The following ENAM variants were observed in gnomAD, a reference collection of about 807,000 sequenced individuals.
The protein encoded by ENAM is enamelin.
In ENAM, 21 loss-of-function variants were observed where a neutral mutation model predicts 33.6. The observed-to-expected ratio is 0.63, with a 90% CI of 0.44 to 0.90. The LOEUF (loss-of-function observed/expected upper bound fraction) is 0.90. Ranked by LOEUF, ENAM falls within the 40% of genes least tolerant of loss-of-function variation. The probability of loss-of-function intolerance (pLI) is 0.00; values close to 1 mark genes in which losing one functional copy is unlikely to be tolerated. For synonymous variants in ENAM, 473 were observed against 468.4 expected (o/e 1.01, Z -0.13); for missense variants, 1,388 against 1,366.9 (o/e 1.02, Z -0.24).
chr4:70,645,207 T>G lies in ENAM; in HGVS notation c.*352T>G. On this transcript the variant is annotated 3_prime_UTR_variant, in exon 9 of 9. Coordinates refer to ENST00000396073, the MANE Select transcript of ENAM (RefSeq NM_031889.3). ...ACTTGCAAAATTGGTTTTTCAAGAC[T>G]GAAAGGCAGATTAACTTTCCATTCT... 2.2e-6 allele frequency: 1 copy of G among 445,178 alleles called. No individual in the cohort carries two copies. Among genetic ancestry groups the G allele is most frequent in the South Asian group, 3.3e-5 (1 of 30,250 alleles). 27.6% of individuals were successfully genotyped at this position (445,178 alleles called of 1,614,324 possible).
chr4:70,629,801 G>T (rs1047310370), intron 2 of ENAM, among the ~76,000 whole-genome samples: 1 of 152,112 alleles, frequency 6.6e-6, no homozygotes, highest in Non-Finnish European at 1.5e-5. Flanking sequence ...AGAGATGGAA[G>T]GGATCTCAGT....
rs1191825209 is a variant in ENAM, at chr4:70,642,916, C to G, written c.1490C>G (p.Pro497Arg). 3 of 1,613,780 alleles carry G rather than the reference C, an allele frequency of 1.9e-6. No individual in the cohort carries two copies. Among genetic ancestry groups the G allele is most frequent in the Non-Finnish European group, 8.5e-7 (1 of 1,179,918 alleles). The part of the protein sequence containing the change: ...SVDQHENSYY[P>R]RGDSRKVPNS... Reference sequence around the variant, plus strand: ...GATCAACATGAAAACTCCTATTACCCAAGAGGAGATTCCAGAAAAGTCCCA... The same window carrying G: ...GATCAACATGAAAACTCCTATTACCGAAGAGGAGATTCCAGAAAAGTCCCA... Residue 497 changes from proline to arginine, a missense_variant, in exon 9 of 9, where the codon CCA becomes CGA. Physicochemically the swap from Pro to Arg is moderately radical, Grantham distance 103 (BLOSUM62 -2). Coordinates refer to ENST00000396073, the MANE Select transcript of ENAM (RefSeq NM_031889.3).
Position 70,643,251 on chromosome 4 carries a change from A to G in ENAM, c.1825A>G (p.Arg609Gly), listed in dbSNP as rs1738649909. The G allele has an allele frequency of 1.9e-6, 3 of 1,613,944 alleles. No individual in the cohort carries two copies. Among genetic ancestry groups the G allele is most frequent in the South Asian group, 2.2e-5 (2 of 91,060 alleles). ...FYPEYNPYDP[R>G]ENSPYLRGNT... ...CCCTGAATATAACCCATATGATCCC[A>G]GGGAAAACTCACCATACCTTAGAGG... The change falls in exon 9 of 9, where the codon AGG becomes GGG. Residue 609 changes from arginine (R) to glycine (G), a missense_variant. Transcript: ENST00000396073.
At position 70,643,641 on chromosome 4, in the gene ENAM, C is replaced by T. The variant is rs772979321; in HGVS notation, c.2215C>T (p.Pro739Ser). ...PSYNTASTMP[P>S]PIESRGYYVN... is the part of the protein sequence containing the mutation. Reference sequence around the variant, plus strand: ...ATATAATACAGCTTCTACTATGCCACCACCTATAGAGAGCAGGGGCTACTA... The same window carrying T: ...ATATAATACAGCTTCTACTATGCCATCACCTATAGAGAGCAGGGGCTACTA... The change falls in exon 9 of 9, where the codon CCA becomes TCA. Residue 739 changes from proline (P) to serine (S), a missense_variant. Physicochemically the swap from Pro to Ser is moderately conservative, Grantham distance 74. Coordinates refer to ENST00000396073, the MANE Select transcript of ENAM (RefSeq NM_031889.3). The T allele has an allele frequency of 1.8e-5, 29 of 1,613,970 alleles. No individual in the cohort carries two copies. Among genetic ancestry groups the T allele is most frequent in the Non-Finnish European group, 1.9e-5 (22 of 1,179,982 alleles).
chr4:70,638,349 A>AC (rs1738510837), intron 8 of ENAM, among the ~76,000 whole-genome samples: 3 of 140,606 alleles, frequency 2.1e-5, no homozygotes, highest in Non-Finnish European at 3.0e-5. Context: ...ATAGCACCCC[A>AC]CCCCCCTGGA....
In ENAM at chr4:70,646,790, T is replaced by C. The variant is rs978442768; in HGVS notation, c.*1935T>C. The C allele has an allele frequency of 6.6e-6, 1 of 152,222 alleles. No individual in the cohort carries two copies. Among genetic ancestry groups the C allele is most frequent in the Non-Finnish European group, 1.5e-5 (1 of 68,042 alleles). 9.4% of individuals were successfully genotyped at this position (152,222 alleles called of 1,614,324 possible). On this transcript the variant is annotated 3_prime_UTR_variant, in exon 9 of 9. Transcript: ENST00000396073. ...CTGTATAAAACTGTCTTTTAAGAATTATCCTTTCAAAATAAAAATGTTATT... is the reference window on the plus strand; with the variant it reads ...CTGTATAAAACTGTCTTTTAAGAATCATCCTTTCAAAATAAAAATGTTATT...
At position 70,645,182 on chromosome 4, in the gene ENAM, A is replaced by T; in HGVS notation, c.*327A>T. ...ACTTCTTTTGCTCTCAAAGTTCCATACTTGCAAAATTGGTTTTTCAAGACT... is the reference window on the plus strand; with the variant it reads ...ACTTCTTTTGCTCTCAAAGTTCCATTCTTGCAAAATTGGTTTTTCAAGACT... On this transcript the variant is annotated 3_prime_UTR_variant, in exon 9 of 9. Transcript: ENST00000396073. 2.0e-6 allele frequency: 1 copy of T among 495,816 alleles called. No homozygotes were observed. The highest frequency in any genetic ancestry group is 3.6e-6 in the Non-Finnish European group (1 of 276,962). 30.7% of individuals were successfully genotyped at this position (495,816 alleles called of 1,614,324 possible).
chr4:70,640,884 G>A (rs1422896903), intron 8 of ENAM, among the ~76,000 whole-genome samples: 1 of 152,136 alleles, frequency 6.6e-6, no homozygotes, highest in Non-Finnish European at 1.5e-5. Flanking sequence ...AATTTAAAGA[G>A]GAAAGGGGCC....
In ENAM at chr4:70,646,663, T is replaced by A. The variant is rs575663379; in HGVS notation, c.*1808T>A. The stretch of plus-strand genomic sequence containing the variant: ...CATAGAATTTCAGCGTTAGAAGGGA[T>A]CTTAGAGGTAGATTATCCAGGCCAT... On this transcript the variant is annotated 3_prime_UTR_variant, in exon 9 of 9. Transcript: ENST00000396073. 5 of 152,262 alleles carry A rather than the reference T, an allele frequency of 3.3e-5. No homozygotes were observed. The East Asian group carries it at 9.6e-4, about 29-fold the overall frequency. The allele number at this position is 152,262 out of a possible 1,614,324, so 9.4% of individuals were successfully genotyped here.
Position 70,643,062 on chromosome 4 carries a change from G to A in ENAM, c.1636G>A (p.Ala546Thr). 6.2e-7 allele frequency: 1 copy of A among 1,613,924 alleles called. No homozygotes were observed. The highest frequency in any genetic ancestry group is 8.5e-7 in the Non-Finnish European group (1 of 1,179,954). Residue 546 changes from alanine to threonine, a missense_variant, in exon 9 of 9, where the codon GCT becomes ACT. By Grantham distance (58) the Ala-to-Thr change is moderately conservative (BLOSUM62 0). Coordinates refer to ENST00000396073, the MANE Select transcript of ENAM (RefSeq NM_031889.3). Reference sequence around the variant, plus strand: ...ATTAAAGCACAGCTCATATCAGCCTGCTGTATACCCTGAGGAAATCCCTTC... The same window carrying A: ...ATTAAAGCACAGCTCATATCAGCCTACTGTATACCCTGAGGAAATCCCTTC... ...SELKHSSYQP[A>T]VYPEEIPSPA...
rs1175868236 is a variant in ENAM, at chr4:70,637,991, C to T, written c.588+148C>T. 3 of 667,120 alleles carry T rather than the reference C, an allele frequency of 4.5e-6. No homozygotes were observed. In the East Asian group the frequency reaches 8.0e-5, roughly 18 times the overall value. 41.3% of individuals were successfully genotyped at this position (667,120 alleles called of 1,614,324 possible). On this transcript the variant is annotated intron_variant, in intron 8 of 8. Coordinates refer to ENST00000396073, the MANE Select transcript of ENAM (RefSeq NM_031889.3). ...ATTTTTAGAAAATAAAAAAGTTAAA[C>T]AAATCAAGCCAGTGGTCCAAAGATT...
In ENAM at chr4:70,642,898, A is replaced by T; in HGVS notation, c.1472A>T (p.His491Leu). 5.0e-6 allele frequency: 8 copies of T among 1,614,178 alleles called. No individual in the cohort carries two copies. Among genetic ancestry groups the T allele is most frequent in the Non-Finnish European group, 6.8e-6 (8 of 1,180,032 alleles). The change falls in exon 9 of 9, where the codon CAT becomes CTT. Residue 491 changes from histidine to leucine, a missense_variant. Transcript: ENST00000396073. ...PVPNFNSVDQ[H>L]ENSYYPRGDS... is the part of the protein sequence containing the mutation. ...CCAAATTTTAATTCTGTTGATCAAC[A>T]TGAAAACTCCTATTACCCAAGAGGA...
intron 5 of ENAM, 115 bp from the exon 6 acceptor site, chr4:70,634,193 C>A: frequency 2.0e-6 from 2 of 998,302 alleles, no homozygotes; most frequent in South Asian, 1.3e-5. Flanking sequence ...ATAGTTAAGT[C>A]AAGTTCCAGG....
At chr4:70,641,819 A>T (rs548426047) in intron 8 of ENAM, among the ~76,000 whole-genome samples, 196 bp from the exon 9 acceptor site, 37 of 152,306 alleles carry the variant, frequency 2.4e-4, no homozygotes, top group African/African-American at 8.7e-4. Flanking sequence ...GTCAGAAAAA[A>T]ATACCAGGAG....
chr4:70,635,838 C>G lies in ENAM; in HGVS notation c.478C>G (p.Pro160Ala), dbSNP rs1397955978. 1 of 1,600,648 alleles carries G rather than the reference C, an allele frequency of 6.2e-7. No individual in the cohort carries two copies. Among genetic ancestry groups the G allele is most frequent in the African/African-American group, 1.3e-5 (1 of 74,560 alleles). The change falls in exon 7 of 9, where the codon CCA becomes GCA. Residue 160 changes from proline to alanine, a missense_variant. Coordinates refer to ENST00000396073, the MANE Select transcript of ENAM (RefSeq NM_031889.3). ...EEEAQPPQAF[P>A]PFGNGLFPYQ... Reference sequence around the variant, plus strand: ...ATTCTTTCTTTCTCTCTAGGCATTCCCACCATTTGGAAATGGGCTATTCCC... The same window carrying G: ...ATTCTTTCTTTCTCTCTAGGCATTCGCACCATTTGGAAATGGGCTATTCCC...
chr4:70,633,499 A>C (rs1738375094), intron 5 of ENAM, among the ~76,000 whole-genome samples: 1 of 152,158 alleles, frequency 6.6e-6, no homozygotes, highest in Admixed American at 6.6e-5. Context: ...CAATATTTGC[A>C]ATTTTGAATT....
At chr4:70,631,571 C>T (rs1738321039) in intron 2 of ENAM, 99 bp from the exon 3 acceptor site, 1 of 913,438 alleles carries the variant, frequency 1.1e-6, no homozygotes, top group Non-Finnish European at 1.8e-6. Flanking sequence ...TTTCCATACT[C>T]TCCTTGACAG....
rs1738237705 is a variant in ENAM, at chr4:70,628,759, C to A, written c.-266C>A. On this transcript the variant is annotated 5_prime_UTR_variant, in exon 1 of 9. Transcript: ENST00000396073. ...AAGGAGGAATCTTTTTATTTTGAGC[C>A]TTTTTGATACTGAACATGATATCTG... 1 of 152,166 alleles carries A rather than the reference C, an allele frequency of 6.6e-6. No individual in the cohort carries two copies. Among genetic ancestry groups the A allele is most frequent in the African/African-American group, 2.4e-5 (1 of 41,536 alleles). The allele number at this position is 152,166 out of a possible 1,614,324, so 9.4% of individuals were successfully genotyped here.
In ENAM at chr4:70,642,207, A is replaced by G; in HGVS notation, c.781A>G (p.Ser261Gly). ...TNSTQPNPKGSQGGNDTSPTG... is the reference protein window; with the variant it reads ...TNSTQPNPKGGQGGNDTSPTG... ...TTCTACCCAACCAAATCCTAAAGGG[A>G]GTCAGGGAGGAAATGACACCAGCCC... The change falls in exon 9 of 9, where the codon AGT becomes GGT. Residue 261 changes from serine (S) to glycine (G), a missense_variant. Coordinates refer to ENST00000396073, the MANE Select transcript of ENAM (RefSeq NM_031889.3). 2 of 1,614,100 alleles carry G rather than the reference A, an allele frequency of 1.2e-6. No individual in the cohort carries two copies. The highest frequency in any genetic ancestry group is 2.7e-5 in the African/African-American group (2 of 75,022).
Sources: gnomAD v4.1 joint callset for allele counts (sites outside exome capture counted in the v4.1 genomes callset) on GRCh38, gnomAD v4.1.1 for gene constraint, MANE v1.5 for transcripts, NCBI Gene and HGNC (gene_info 2026-07-23, HGNC 2026-07-21) for gene names.